TRIM37: variants seen among roughly 807,000 people sequenced by gnomAD.
TRIM37 encodes tripartite motif containing 37, also known as E3 ubiquitin-protein ligase TRIM37.
In TRIM37, 80 loss-of-function variants were observed where a neutral mutation model predicts 129.8. The observed-to-expected ratio is 0.62, with a 90% CI of 0.51 to 0.74. The LOEUF is 0.74. Among genes scored for constraint, TRIM37 ranks in the 30% least tolerant of loss-of-function variants. The pLI is 0.00. For missense variants in TRIM37, 1,054 were observed against 1,176.5 expected, an observed-to-expected ratio of 0.90 and a Z score of 1.52; for synonymous variants, 389 against 387.1, an observed-to-expected ratio of 1.00 and a Z score of -0.06.
chr17:59,105,728 TA>T (rs1387910022), intron 1 of TRIM37, among the ~76,000 whole-genome samples: 1 of 152,124 alleles, frequency 6.6e-6, no homozygotes, highest in Non-Finnish European at 1.5e-5. Context: ...GGGTGGACAA[TA>T]AGACTACTGA....
chr17:58,973,042 C>A, the TRIM37 span: 2 of 639,832 alleles, frequency 3.1e-6, no homozygotes, highest in Non-Finnish European at 5.5e-6. Context: ...GCTTATTATT[C>A]TTTAAAATAA....
At position 59,049,237 on chromosome 17, in the gene TRIM37, C is replaced by T; in HGVS notation, c.1471G>A (p.Val491Ile). The change falls in exon 15 of 24, where the codon GTA (valine) becomes ATA (isoleucine). Residue 491 changes from valine to isoleucine, a missense_variant. Physicochemically the swap from Val to Ile is conservative, Grantham distance 29. Coordinates refer to ENST00000262294, the MANE Select transcript of TRIM37 (RefSeq NM_015294.6). ...LLEGGPTTAS[V>I]REAKEDEEDE... ...TCTTCATCCTCTTTGGCCTCTCTTA[C>T]AGAAGCTGTAGTAGGACCACCTTCG... The T allele has an allele frequency of 6.2e-7, 1 of 1,614,058 alleles. No individual in the cohort carries two copies. The highest frequency in any genetic ancestry group is 8.5e-7 in the Non-Finnish European group (1 of 1,180,036).
At chr17:59,030,793 G>A (rs1156353530) in intron 18 of TRIM37, among the ~76,000 whole-genome samples, 2 of 152,166 alleles carry the variant, frequency 1.3e-5, no homozygotes, top group Non-Finnish European at 2.9e-5. Context: ...TCCTCAAAGT[G>A]AAATTACAAG....
intron 19 of TRIM37, among the ~76,000 whole-genome samples, chr17:59,019,304 A>G (rs1406971177): frequency 2.0e-5 from 3 of 152,250 alleles, no homozygotes; most frequent in Non-Finnish European, 4.4e-5. Context: ...CATACAATAA[A>G]ATATCATGCA....
intron 19 of TRIM37, among the ~76,000 whole-genome samples, chr17:59,027,308 G>C (rs981361406): frequency 6.6e-6 from 1 of 152,112 alleles, no homozygotes; most frequent in African/African-American, 2.4e-5. Context: ...TGCCTATTAA[G>C]TTGCTTAGGC....
intron 9 of TRIM37, 38 bp downstream of exon 9, chr17:59,070,785 A>C: frequency 6.2e-7 from 1 of 1,607,898 alleles, no homozygotes; most frequent in Middle Eastern, 1.7e-4. Flanking sequence ...TTTCCACATA[A>C]ATTTCAAATG....
chr17:59,056,689 CAGG>C (rs1042204806), intron 13 of TRIM37, among the ~76,000 whole-genome samples, 183 bp downstream of exon 13: 7 of 106,376 alleles, frequency 6.6e-5, no homozygotes, highest in African/African-American at 2.4e-4. Flanking sequence ...GAGATCGCGC[CAGG>C]GCGACAGAGC....
intron 24 of TRIM37, among the ~76,000 whole-genome samples, chr17:58,990,115 G>C (rs1380213142): frequency 1.4e-5 from 2 of 146,604 alleles, no homozygotes; most frequent in Non-Finnish European, 3.0e-5. Context: ...GAGGGTTGAG[G>C]CTGCAGTAAG....
chr17:59,066,946 G>C (rs2041962447), intron 9 of TRIM37, among the ~76,000 whole-genome samples: 1 of 152,040 alleles, frequency 6.6e-6, no homozygotes, highest in Non-Finnish European at 1.5e-5. Flanking sequence ...ATAAATACTT[G>C]CTGGCAGATT....
Position 59,028,537 on chromosome 17 carries a change from CT to C in TRIM37, c.2134del (p.Ser712AlafsTer57). On this transcript the variant is annotated frameshift_variant, in exon 19 of 24. Transcript: ENST00000262294. LOFTEE classifies it high-confidence loss of function. ...SSAASGDMQT[S>X]LFSADQAALA... is the part of the protein sequence containing the mutation. ...AGCTGCCTGGTCAGCAGAAAAAAGGCTTGTCTGCATGTCTCCAGAAGCAGCA... is the reference window on the plus strand; with the variant it reads ...AGCTGCCTGGTCAGCAGAAAAAAGGCTGTCTGCATGTCTCCAGAAGCAGCA... 6.2e-7 allele frequency: 1 copy of C among 1,614,208 alleles called. No individual in the cohort carries two copies. The highest frequency in any genetic ancestry group is 8.5e-7 in the Non-Finnish European group (1 of 1,180,014).
At chr17:59,066,458 A>AT (rs1053168274) in intron 9 of TRIM37, among the ~76,000 whole-genome samples, 1 of 152,194 alleles carries the variant, frequency 6.6e-6, no homozygotes, top group African/African-American at 2.4e-5. Flanking sequence ...TCATTATCAT[A>AT]TTTTATTGGC....
intron 9 of TRIM37, among the ~76,000 whole-genome samples, chr17:59,068,211 T>C (rs1263158248): frequency 1.3e-5 from 2 of 152,220 alleles, no homozygotes; most frequent in Admixed American, 6.5e-5. Context: ...GCGAGCATTG[T>C]TGCCTGCCTG....
intron 24 of TRIM37, among the ~76,000 whole-genome samples, chr17:58,991,897 G>GT (rs2032445922): frequency 6.6e-6 from 1 of 152,078 alleles, no homozygotes; most frequent in South Asian, 2.1e-4. Flanking sequence ...AGTGCAATGA[G>GT]TGCTGACACC....
At chr17:58,994,047 C>T (rs190877910), downstream of TRIM37, among the ~76,000 whole-genome samples, 99 of 152,226 alleles carry the variant, frequency 6.5e-4, 1 homozygote, top group African/African-American at 2.2e-3. Flanking sequence ...AGGAGGCCAA[C>T]GGTTCTGAAG....
intron 2 of TRIM37, among the ~76,000 whole-genome samples, chr17:59,091,697 T>C (rs1013350953): frequency 5.2e-4 from 76 of 147,454 alleles, no homozygotes; most frequent in African/African-American, 1.8e-3. Context: ...AACTCTCTAG[T>C]GCTTAGTTTT....
intron 8 of TRIM37, among the ~76,000 whole-genome samples, chr17:59,071,515 G>A (rs991182335): frequency 6.6e-6 from 1 of 152,024 alleles, no homozygotes; most frequent in African/African-American, 2.4e-5. Flanking sequence ...TTGAACTCCT[G>A]ACCTCATGAT....
intron 18 of TRIM37, among the ~76,000 whole-genome samples, chr17:59,029,742 T>C (rs1246304566): frequency 2.0e-5 from 3 of 152,048 alleles, no homozygotes; most frequent in Non-Finnish European, 2.9e-5. Context: ...CTACAAAAAA[T>C]TGTAGAGCAC....
At chr17:58,967,979 T>G in the TRIM37 span, among the ~76,000 whole-genome samples, 1 of 152,046 alleles carries the variant, frequency 6.6e-6, no homozygotes, top group South Asian at 2.1e-4. Context: ...AATTTTTGTA[T>G]TTTTAGTAGA....
intron 2 of TRIM37, among the ~76,000 whole-genome samples, chr17:59,093,017 G>A (rs183820299): frequency 1.3e-5 from 2 of 152,212 alleles, no homozygotes; most frequent in African/African-American, 4.8e-5. Flanking sequence ...AGGTGTGGTG[G>A]CATGAGCATG....
Sources: allele counts gnomAD v4.1 joint callset (sites outside exome capture counted in the v4.1 genomes callset), GRCh38; gene constraint gnomAD v4.1.1; transcripts MANE v1.5; gene names NCBI Gene and HGNC (gene_info 2026-07-23, HGNC 2026-07-21).